BRSK2: variants seen among roughly 807,000 people sequenced by gnomAD.
The protein encoded by BRSK2 is serine/threonine-protein kinase BRSK2.
Under a neutral mutation model 83.3 loss-of-function variants are expected in BRSK2, and 19 were observed. The observed-to-expected ratio is 0.23, with a 90% confidence interval of 0.16 to 0.33. The LOEUF (loss-of-function observed/expected upper bound fraction) is 0.33, where lower values mean the gene tolerates loss of function less well. BRSK2 is among the 10% of genes least tolerant of loss of function. BRSK2 has a pLI of 1.00. For synonymous variants in BRSK2, 519 were observed against 435.4 expected, an observed-to-expected ratio of 1.19 and a Z score of -2.39; for missense variants, 798 against 1,042.3, an observed-to-expected ratio of 0.77 and a Z score of 3.23.
rs2061939604 is a variant in BRSK2, at chr11:1,460,964, T to C, written c.*241T>C. ...ACAGCATCGCTTGTTTCCACTCTGA[T>C]ACCAGGAATTATCCCGAAAAGTTAA... On this transcript the variant is annotated 3_prime_UTR_variant, in exon 20 of 20. Transcript: ENST00000528841. 1 of 1,612,286 alleles carries C rather than the reference T, an allele frequency of 6.2e-7. No homozygotes were observed. Among genetic ancestry groups the C allele is most frequent in the Non-Finnish European group, 8.5e-7 (1 of 1,179,354 alleles).
At position 1,445,423 on chromosome 11, in the gene BRSK2, C is replaced by T; in HGVS notation, c.942C>T (p.Asp314=). 6.2e-7 allele frequency: 1 copy of T among 1,611,986 alleles called. No individual in the cohort carries two copies. The highest frequency in any genetic ancestry group is 2.2e-5 in the East Asian group (1 of 44,866). Residue 314 remains aspartate, a synonymous_variant, in exon 10 of 20, where the codon GAC becomes GAT. Coordinates refer to ENST00000528841, the MANE Select transcript of BRSK2 (RefSeq NM_001256627.2). ...TGCACTCACTGGGCTGCTTCCGAGA[C>T]CGCAACAAGCTGCTGCAGGACCTGC... ...DSMHSLGCFR[D]RNKLLQDLLS...
At chr11:1,460,296 G>T (rs1413307793) in intron 19 of BRSK2, among the ~76,000 whole-genome samples, 1 of 151,812 alleles carries the variant, frequency 6.6e-6, no homozygotes, top group Admixed American at 6.6e-5. Context: ...GCCGGCCGCC[G>T]CCTGCCCACC....
intron 14 of BRSK2, 35 bp from the exon 15 acceptor site, chr11:1,451,336 C>A: frequency 6.2e-7 from 1 of 1,612,482 alleles, no homozygotes. Flanking sequence ...GGAGCGGTCA[C>A]CACGCCTTTC....
intron 1 of BRSK2, among the ~76,000 whole-genome samples, chr11:1,405,781 C>T (rs950856126): frequency 2.0e-5 from 3 of 152,148 alleles, no homozygotes; most frequent in Non-Finnish European, 2.9e-5. Flanking sequence ...TGGCCCCAGC[C>T]AGCAGCCCGC....
intron 1 of BRSK2, among the ~76,000 whole-genome samples, chr11:1,425,892 C>T (rs1849157843): frequency 6.6e-6 from 1 of 152,108 alleles, no homozygotes; most frequent in South Asian, 2.1e-4. Flanking sequence ...GCTGAGTTTC[C>T]TGGGTACACC....
intron 1 of BRSK2, among the ~76,000 whole-genome samples, chr11:1,404,680 C>T (rs1881510): frequency 0.61 from 92,980 of 152,102 alleles, 28,949 homozygotes; most frequent in Non-Finnish European, 0.67. Context: ...CAGATGCTAA[C>T]GTTTGGGAGG....
In BRSK2 at chr11:1,405,405, C is replaced by T. The variant is rs571742720; in HGVS notation, c.91+15030C>T. Among the ~76,000 whole-genome samples, 8 of 152,192 alleles carry T rather than the reference C, an allele frequency of 5.3e-5. No individual in the cohort carries two copies. The South Asian group carries it at 1.4e-3, about 28-fold the overall frequency. ...GCAGGTGCCAGCCTTGCCCAGCCTT[C>T]CCCCTGTGGCTCGTGAAGCTCAGGA... On this transcript the variant is annotated intron_variant, in intron 1 of 19. Coordinates refer to ENST00000528841, the MANE Select transcript of BRSK2 (RefSeq NM_001256627.2).
At chr11:1,400,482 A>G (rs1392211424) in intron 1 of BRSK2, among the ~76,000 whole-genome samples, 1 of 152,162 alleles carries the variant, frequency 6.6e-6, no homozygotes, top group Non-Finnish European at 1.5e-5. Flanking sequence ...CACCTCTTCC[A>G]TAATCCCTGA....
chr11:1,456,409 CG>C lies in BRSK2; in HGVS notation c.1737del (p.Pro580GlnfsTer55). On this transcript the variant is annotated frameshift_variant, in exon 17 of 20. Coordinates refer to ENST00000528841, the MANE Select transcript of BRSK2 (RefSeq NM_001256627.2). LOFTEE classifies it high-confidence loss of function. ...AGCTTCCGGGCCGAGTACAAGGCCACGGGGGGGCCAGCCGTGTTCCAGAAGC... is the reference window on the plus strand; with the variant it reads ...AGCTTCCGGGCCGAGTACAAGGCCACGGGGGGCCAGCCGTGTTCCAGAAGC... Reference protein sequence around the residue: ...QTSFRAEYKATGGPAVFQKPV... With the variant: ...QTSFRAEYKAXGGPAVFQKPV... 6.2e-6 allele frequency: 10 copies of C among 1,600,020 alleles called. No individual in the cohort carries two copies. The highest frequency in any genetic ancestry group is 2.3e-5 in the South Asian group (2 of 88,672).
At chr11:1,456,839 C>G (rs1235265427) in intron 18 of BRSK2, 152 bp downstream of exon 18, 1 of 1,352,200 alleles carries the variant, frequency 7.4e-7, no homozygotes, top group Non-Finnish European at 1.0e-6. Context: ...TGTGGCTGCA[C>G]CCCTCAGGGA....
chr11:1,460,684 C>A lies in BRSK2; in HGVS notation c.2172C>A (p.Ala724=). 6.6e-7 allele frequency: 1 copy of A among 1,517,720 alleles called. No homozygotes were observed. Among genetic ancestry groups the A allele is most frequent in the Non-Finnish European group, 8.8e-7 (1 of 1,137,308 alleles). 94.0% of individuals were successfully genotyped at this position (1,517,720 alleles called of 1,614,324 possible). ...DAEYPTGKDT[A]KMGPPTARRE... ...AGTACCCAACGGGCAAGGACACGGCCAAGATGGGCCCGCCCACCGCCCGCC... is the reference window on the plus strand; with the variant it reads ...AGTACCCAACGGGCAAGGACACGGCAAAGATGGGCCCGCCCACCGCCCGCC... Residue 724 remains alanine (A), a synonymous_variant, in exon 20 of 20, where the codon GCC becomes GCA. Coordinates refer to ENST00000528841, the MANE Select transcript of BRSK2 (RefSeq NM_001256627.2).
chr11:1,391,774 A>G (rs1845743954), intron 1 of BRSK2, among the ~76,000 whole-genome samples: 1 of 152,184 alleles, frequency 6.6e-6, no homozygotes, highest in Admixed American at 6.5e-5. Context: ...TGCAGGAGTC[A>G]GTGAGATAAT....
chr11:1,422,926 G>C (rs1848773849), intron 1 of BRSK2, among the ~76,000 whole-genome samples: 1 of 152,220 alleles, frequency 6.6e-6, no homozygotes, highest in African/African-American at 2.4e-5. Context: ...GGTGTCCGGA[G>C]GATGGACCTC....
In BRSK2 at chr11:1,445,787, T is replaced by C; in HGVS notation, c.1106T>C (p.Met369Thr). ...CCCCGGAAGCGTGTGGACTCCCCGA[T>C]GCTGAACCGGCACGGCAAGCGGCGG... The part of the protein sequence containing the change: ...DPPRKRVDSP[M>T]LNRHGKRRPE... Residue 369 changes from methionine (M) to threonine (T), a missense_variant, in exon 12 of 20, where the codon ATG becomes ACG. Met to Thr is a moderately conservative substitution (Grantham distance 81). This residue lies in a region of BRSK2 where 145 missense variants were observed against 225.4 expected (regional missense o/e 0.64). Coordinates refer to ENST00000528841, the MANE Select transcript of BRSK2 (RefSeq NM_001256627.2). 6.2e-7 allele frequency: 1 copy of C among 1,612,374 alleles called. No homozygotes were observed. Among genetic ancestry groups the C allele is most frequent in the East Asian group, 2.2e-5 (1 of 44,856 alleles).
chr11:1,442,728 C>G (rs368879010), intron 5 of BRSK2, 122 bp downstream of exon 5: 24 of 783,006 alleles, frequency 3.1e-5, no homozygotes, highest in Non-Finnish European at 6.3e-6. Context: ...GCAGGCCCCC[C>G]ACAATGTGCC....
chr11:1,440,681 G>A, intron 3 of BRSK2, 107 bp from the exon 4 acceptor site: 1 of 1,408,058 alleles, frequency 7.1e-7, no homozygotes, highest in African/African-American at 1.4e-5. Flanking sequence ...GAGGATGGGG[G>A]CGGCCTGCAG....
intron 1 of BRSK2, among the ~76,000 whole-genome samples, chr11:1,396,908 G>A (rs1846163623): frequency 6.6e-6 from 1 of 152,220 alleles, no homozygotes; most frequent in South Asian, 2.1e-4. Flanking sequence ...CTCGGAAGTG[G>A]AAGGACTGGG....
chr11:1,425,129 C>T (rs1405056457), intron 1 of BRSK2, among the ~76,000 whole-genome samples: 1 of 152,236 alleles, frequency 6.6e-6, no homozygotes, highest in African/African-American at 2.4e-5. Flanking sequence ...CTGCATCGTC[C>T]TGCGCTGCGT....
At chr11:1,428,756 ATG>A (rs1404390991) in intron 1 of BRSK2, among the ~76,000 whole-genome samples, 3 of 152,102 alleles carry the variant, frequency 2.0e-5, no homozygotes, top group Non-Finnish European at 4.4e-5. Context: ...GCATGATGGT[ATG>A]TGCACGAGTG....
Sources: gnomAD v4.1 joint callset for allele counts (sites outside exome capture counted in the v4.1 genomes callset) on GRCh38, gnomAD v4.1.1 for gene constraint, gnomAD v4.1.1 regional missense constraint, MANE v1.5 for transcripts, NCBI Gene and HGNC (gene_info 2026-07-23, HGNC 2026-07-21) for gene names.